TRIO: variants seen among roughly 807,000 people sequenced by gnomAD.
TRIO encodes triple functional domain protein.
TRIO carries 58 observed loss-of-function variants against 351.9 expected under a neutral mutation model. The observed-to-expected ratio is 0.16, with a 90% confidence interval of 0.13 to 0.21. The LOEUF (loss-of-function observed/expected upper bound fraction) is 0.21, where lower values mean the gene tolerates loss of function less well. TRIO is among the 10% of genes least tolerant of loss of function. TRIO has a pLI of 1.00. For synonymous variants in TRIO, 1,758 were observed against 1,595.7 expected, an observed-to-expected ratio of 1.10 and a Z score of -2.42; for missense variants, 3,201 against 4,027.8, an observed-to-expected ratio of 0.79 and a Z score of 5.56.
chr5:14,388,244 A>C (rs546401347), intron 23 of TRIO, among the ~76,000 whole-genome samples: 36 of 152,122 alleles, frequency 2.4e-4, no homozygotes, highest in Non-Finnish European at 4.4e-4. Context: ...TTTGCCCCCA[A>C]TGTGAGGGGA....
chr5:14,159,483 C>G (rs1268148963), intron 1 of TRIO, among the ~76,000 whole-genome samples: 2 of 151,980 alleles, frequency 1.3e-5, no homozygotes, highest in Non-Finnish European at 2.9e-5. Flanking sequence ...AAGGGAGAGG[C>G]AACTTTCTGC....
At chr5:14,507,351 G>A (rs759723076) in intron 56 of TRIO, 91 bp downstream of exon 56, 17 of 1,546,594 alleles carry the variant, frequency 1.1e-5, no homozygotes, top group Non-Finnish European at 1.3e-5. Flanking sequence ...CAGGCCAGGA[G>A]CCCCCAAGTG....
At chr5:14,228,690 A>G (rs1322738410) in intron 1 of TRIO, among the ~76,000 whole-genome samples, 1 of 152,220 alleles carries the variant, frequency 6.6e-6, no homozygotes, top group Non-Finnish European at 1.5e-5. Flanking sequence ...CACCACTTGT[A>G]CTTATTGGAC....
intron 1 of TRIO, among the ~76,000 whole-genome samples, chr5:14,186,689 T>G (rs1476079022): frequency 6.6e-6 from 1 of 152,130 alleles, no homozygotes; most frequent in Non-Finnish European, 1.5e-5. Flanking sequence ...GCGATTCTCT[T>G]GCCTCAGCCT....
chr5:14,496,323 C>T (rs114671820), intron 49 of TRIO, among the ~76,000 whole-genome samples: 2,546 of 152,242 alleles, frequency 0.017, 68 homozygotes, highest in African/African-American at 0.054. Flanking sequence ...GAGAAATTGC[C>T]TCACATAGTT....
intron 2 of TRIO, among the ~76,000 whole-genome samples, chr5:14,279,779 G>C (rs1735832907): frequency 6.6e-6 from 1 of 152,224 alleles, no homozygotes; most frequent in Admixed American, 6.5e-5. Flanking sequence ...GTGTGGTTCT[G>C]TGTGAGAGAC....
At position 14,173,219 on chromosome 5, in the gene TRIO, G is replaced by C. The variant is rs770954827; in HGVS notation, c.157+29337G>C. On this transcript the variant is annotated intron_variant, in intron 1 of 56. Coordinates refer to ENST00000344204, the MANE Select transcript of TRIO (RefSeq NM_007118.4). ...TTTTTTTTTTTTTTTTTTTTTTGGCGGGAGGGAGGATTTATTTTTTTGAGA... is the reference window on the plus strand; with the variant it reads ...TTTTTTTTTTTTTTTTTTTTTTGGCCGGAGGGAGGATTTATTTTTTTGAGA... Among the ~76,000 whole-genome samples the C allele has an allele frequency of 5.3e-4, 73 of 138,488 alleles. 1 individual carries two copies. The highest frequency in any genetic ancestry group is 1.9e-3 in the African/African-American group (68 of 35,738). The allele number at this position is 138,488 out of a possible 152,430, so 90.9% of individuals were successfully genotyped here.
intron 1 of TRIO, among the ~76,000 whole-genome samples, chr5:14,203,313 A>T (rs976685842): frequency 6.6e-6 from 1 of 152,216 alleles, no homozygotes; most frequent in African/African-American, 2.4e-5. Flanking sequence ...CAGCATCCCA[A>T]GGTGATTGCT....
In TRIO at chr5:14,143,368, C is replaced by T. The variant is rs1787287249; in HGVS notation, c.-358C>T. On this transcript the variant is annotated 5_prime_UTR_variant, in exon 1 of 57. Transcript: ENST00000344204. ...TTGAAATCAAGATGGAGGCTCGCGGCAGCCGCCGGCGCCCGTGATCCCGGA... is the reference window on the plus strand; with the variant it reads ...TTGAAATCAAGATGGAGGCTCGCGGTAGCCGCCGGCGCCCGTGATCCCGGA... Among the ~76,000 whole-genome samples the T allele has an allele frequency of 6.6e-6, 1 of 151,126 alleles. No individual in the cohort carries two copies. The highest frequency in any genetic ancestry group is 2.4e-5 in the African/African-American group (1 of 41,264).
At chr5:14,299,909 TCTC>T (rs778451141) in intron 7 of TRIO, among the ~76,000 whole-genome samples, 13 of 152,240 alleles carry the variant, frequency 8.5e-5, no homozygotes, top group Non-Finnish European at 1.9e-4. Flanking sequence ...CTGCCCTCTC[TCTC>T]CATGGGTGGT....
intron 35 of TRIO, among the ~76,000 whole-genome samples, 173 bp from the exon 36 acceptor site, chr5:14,462,582 A>G (rs984373167): frequency 1.3e-5 from 2 of 152,228 alleles, no homozygotes; most frequent in African/African-American, 4.8e-5. Flanking sequence ...GTTGACAAGC[A>G]AAGCTATTGG....
chr5:14,198,700 G>C (rs1407320452), intron 1 of TRIO, among the ~76,000 whole-genome samples: 1 of 152,090 alleles, frequency 6.6e-6, no homozygotes, highest in Non-Finnish European at 1.5e-5. Context: ...AGAACCTCTT[G>C]AGCCCCTTGA....
intron 8 of TRIO, among the ~76,000 whole-genome samples, chr5:14,310,052 G>A (rs751479916): frequency 5.9e-5 from 9 of 152,204 alleles, no homozygotes; most frequent in Non-Finnish European, 7.3e-5. Flanking sequence ...CAACAGGAAC[G>A]CACCTGGGCC....
intron 3 of TRIO, 102 bp downstream of exon 3, chr5:14,280,538 C>A: frequency 2.0e-6 from 2 of 977,558 alleles, no homozygotes; most frequent in Non-Finnish European, 3.2e-6. Context: ...GCATTCCAGG[C>A]AAAGTAGTAT....
chr5:14,411,526 A>G (rs573340859), intron 33 of TRIO, among the ~76,000 whole-genome samples: 8 of 149,034 alleles, frequency 5.4e-5, no homozygotes, highest in African/African-American at 2.1e-4. Context: ...GAGACTGATA[A>G]CTTCATGTGG....
At chr5:14,292,732 T>A (rs1315097869) in intron 5 of TRIO, among the ~76,000 whole-genome samples, 1 of 152,214 alleles carries the variant, frequency 6.6e-6, no homozygotes, top group Non-Finnish European at 1.5e-5. Context: ...GATCAGAGTT[T>A]TTAATCAGCC....
intron 9 of TRIO, among the ~76,000 whole-genome samples, chr5:14,323,745 A>G (rs1189955090): frequency 1.3e-5 from 2 of 152,216 alleles, no homozygotes; most frequent in Admixed American, 1.3e-4. Flanking sequence ...AGTACGCCAG[A>G]GCACTAGGAA....
chr5:14,283,288 T>G (rs1736162128), intron 3 of TRIO, among the ~76,000 whole-genome samples: 1 of 152,200 alleles, frequency 6.6e-6, no homozygotes, highest in Admixed American at 6.5e-5. Flanking sequence ...TGTCCAGTGC[T>G]TCCTCGTGCT....
intron 40 of TRIO, among the ~76,000 whole-genome samples, chr5:14,476,658 G>T (rs1392540312): frequency 6.6e-6 from 1 of 152,132 alleles, no homozygotes; most frequent in East Asian, 1.9e-4. Flanking sequence ...GCTAGGCATA[G>T]TGGTGCACGC....
Sources: allele counts gnomAD v4.1 joint callset (sites outside exome capture counted in the v4.1 genomes callset), GRCh38; gene constraint gnomAD v4.1.1; transcripts MANE v1.5; gene names NCBI Gene and HGNC (gene_info 2026-07-23, HGNC 2026-07-21).